The following MID1 variants were observed in gnomAD, a reference collection of about 807,000 sequenced individuals.
MID1 encodes midline 1, also known as E3 ubiquitin-protein ligase Midline-1.
MID1 carries 7 observed loss-of-function variants against 40.4 expected under a neutral mutation model. The observed-to-expected ratio is 0.17, with a 90% CI of 0.10 to 0.33. The LOEUF (loss-of-function observed/expected upper bound fraction) is 0.33. Among genes scored for constraint, MID1 ranks in the 10% least tolerant of loss-of-function variants. The pLI, the probability that MID1 is intolerant of heterozygous loss-of-function variation, is 1.00. For synonymous variants in MID1, 229 were observed against 221.2 expected (o/e 1.04, Z -0.31); for missense variants, 367 against 558.5 (o/e 0.66, Z 3.46).
At chrX:10,615,357 A>C (rs1049778013) in intron 1 of MID1, among the ~76,000 whole-genome samples, 1 of 112,136 alleles carries the variant, frequency 8.9e-6, no homozygotes. Flanking sequence ...ATGTGGCAGA[A>C]TATATTAATT....
intron 1 of MID1, among the ~76,000 whole-genome samples, chrX:10,611,858 A>G (rs1935742436): frequency 2.7e-5 from 3 of 111,463 alleles, no homozygotes; most frequent in Admixed American, 1.9e-4. Flanking sequence ...ATCCGAAGGG[A>G]TGATGTAACT....
chrX:10,485,232 C>T (rs1930556583), intron 4 of MID1, among the ~76,000 whole-genome samples: 1 of 112,029 alleles, frequency 8.9e-6, no homozygotes, highest in Non-Finnish European at 1.9e-5. Context: ...TCGGCTAACC[C>T]CTGGCTTAAA....
chrX:10,697,027 C>T (rs1288772617), intron 1 of MID1, among the ~76,000 whole-genome samples: 2 of 112,052 alleles, frequency 1.8e-5, no homozygotes, highest in Non-Finnish European at 3.8e-5. Context: ...ATTGGCTACC[C>T]TCCTGCCTCC....
intron 1 of MID1, among the ~76,000 whole-genome samples, chrX:10,655,167 A>T (rs1161743600): frequency 8.9e-6 from 1 of 111,975 alleles, no homozygotes; most frequent in Non-Finnish European, 1.9e-5. Flanking sequence ...CCAGAAAAAA[A>T]TGAAAGAGAA....
chrX:10,636,434 G>A (rs1259740412), intron 1 of MID1, among the ~76,000 whole-genome samples: 1 of 110,426 alleles, frequency 9.1e-6, no homozygotes, highest in Admixed American at 9.7e-5. Flanking sequence ...AGACCTCCAG[G>A]GAACTGCATT....
At chrX:10,785,936 G>C (rs1381189704) in intron 1 of MID1, among the ~76,000 whole-genome samples, 1 of 111,765 alleles carries the variant, frequency 8.9e-6, no homozygotes, top group African/African-American at 3.3e-5. Flanking sequence ...AACACCAAAA[G>C]CAATGGCAAC....
chrX:10,722,882 G>T (rs1326150994), intron 1 of MID1, among the ~76,000 whole-genome samples: 1 of 111,542 alleles, frequency 9.0e-6, no homozygotes, highest in Non-Finnish European at 1.9e-5. Context: ...TTTCTTATCA[G>T]AGAGGTTGTG....
intron 4 of MID1, among the ~76,000 whole-genome samples, chrX:10,490,976 T>C (rs1930913614): frequency 8.9e-6 from 1 of 112,279 alleles, no homozygotes; most frequent in South Asian, 3.7e-4. Context: ...AAAAAGTCTC[T>C]ACTGTATTTA....
intron 1 of MID1, among the ~76,000 whole-genome samples, chrX:10,639,216 G>C (rs980262490): frequency 3.6e-5 from 4 of 111,754 alleles, no homozygotes; most frequent in African/African-American, 1.3e-4. Flanking sequence ...AAACTTCTCC[G>C]AGCTAAAGGA....
At chrX:10,618,466 A>C (rs1285767289) in intron 1 of MID1, among the ~76,000 whole-genome samples, 1 of 111,845 alleles carries the variant, frequency 8.9e-6, no homozygotes, top group Non-Finnish European at 1.9e-5. Flanking sequence ...TGGATGAACA[A>C]TGATCCTGTC....
chrX:10,713,711 G>C (rs1192411638), intron 1 of MID1, among the ~76,000 whole-genome samples: 1 of 111,778 alleles, frequency 8.9e-6, no homozygotes, highest in Non-Finnish European at 1.9e-5. Flanking sequence ...TTTAACTAAA[G>C]ATATAAAGTT....
intron 1 of MID1, among the ~76,000 whole-genome samples, chrX:10,584,830 C>T (rs781675656): frequency 4.5e-4 from 50 of 111,326 alleles, no homozygotes; most frequent in African/African-American, 1.6e-3. Flanking sequence ...CCTCAGACAC[C>T]AAGTTAAAGA....
chrX:10,584,127 T>A (rs1935082304), intron 1 of MID1, among the ~76,000 whole-genome samples: 1 of 110,845 alleles, frequency 9.0e-6, no homozygotes, highest in Admixed American at 9.6e-5. Context: ...AAGGGAGGAA[T>A]GCTATGTCCT....
chrX:10,541,954 C>T (rs1933486220), intron 2 of MID1, among the ~76,000 whole-genome samples: 1 of 112,105 alleles, frequency 8.9e-6, no homozygotes, highest in East Asian at 2.8e-4. Flanking sequence ...TTTTACCATA[C>T]TTAAGAGTCA....
chrX:10,488,287 C>T (rs1345266080), intron 4 of MID1, among the ~76,000 whole-genome samples: 1 of 111,338 alleles, frequency 9.0e-6, no homozygotes, highest in East Asian at 2.8e-4. Context: ...ACCAGTCTCA[C>T]CTACAAGTTT....
intron 3 of MID1, among the ~76,000 whole-genome samples, chrX:10,500,081 G>T (rs1931464880): frequency 8.9e-6 from 1 of 112,251 alleles, no homozygotes. Context: ...AAGGGATTTT[G>T]TAAACAGATT....
At chrX:10,713,312 A>C (rs2043281055) in intron 1 of MID1, among the ~76,000 whole-genome samples, 1 of 106,192 alleles carries the variant, frequency 9.4e-6, no homozygotes, top group African/African-American at 3.6e-5. Context: ...GACACAGAGA[A>C]ATAGAGAAGG....
At chrX:10,701,723 T>A (rs1328630657) in intron 1 of MID1, among the ~76,000 whole-genome samples, 1 of 112,410 alleles carries the variant, frequency 8.9e-6, no homozygotes, top group Non-Finnish European at 1.9e-5. Context: ...CAAATACTTG[T>A]ATTCATTTTT....
chrX:10,492,041 A>G (rs1370558428), intron 4 of MID1, among the ~76,000 whole-genome samples: 1 of 111,130 alleles, frequency 9.0e-6, no homozygotes, highest in Non-Finnish European at 1.9e-5. Context: ...CAATATCTAT[A>G]TTTTTCCCTC....
Sources: gnomAD v4.1 joint callset for allele counts (sites outside exome capture counted in the v4.1 genomes callset) on GRCh38, gnomAD v4.1.1 for gene constraint, MANE v1.5 for transcripts, NCBI Gene and HGNC (gene_info 2026-07-23, HGNC 2026-07-21) for gene names.